The following GTF2F2 variants were observed in gnomAD, a reference collection of about 807,000 sequenced individuals.
GTF2F2 encodes the protein general transcription factor IIF subunit 2, also known as ATP-dependent helicase GTF2F2.
In GTF2F2, 23 loss-of-function variants were observed where a neutral mutation model predicts 42.2. That is an observed-to-expected ratio of 0.55 (90% CI 0.39 to 0.77). GTF2F2 has a LOEUF of 0.77. Ranked by LOEUF, GTF2F2 falls within the 30% of genes least tolerant of loss-of-function variation. GTF2F2 has a pLI of 0.00. For missense variants in GTF2F2, 261 were observed against 287.2 expected (o/e 0.91, Z 0.66); for synonymous variants, 105 against 100.8 (o/e 1.04, Z -0.25).
chr13:45,214,421 C>T (rs773185660), intron 5 of GTF2F2, among the ~76,000 whole-genome samples: 12 of 152,206 alleles, frequency 7.9e-5, no homozygotes, highest in Non-Finnish European at 1.6e-4. Flanking sequence ...TTCATCAGAT[C>T]CCCTCACATA....
intron 7 of GTF2F2, among the ~76,000 whole-genome samples, chr13:45,279,922 C>G (rs1024970069): frequency 1.3e-5 from 2 of 151,566 alleles, no homozygotes; most frequent in Non-Finnish European, 2.9e-5. Context: ...CCCCCCGCCC[C>G]CCCCAAAAAA....
chr13:45,257,512 T>C (rs576324229), intron 6 of GTF2F2, among the ~76,000 whole-genome samples: 41 of 152,350 alleles, frequency 2.7e-4, no homozygotes, highest in South Asian at 1.7e-3. Flanking sequence ...TTCACTTTAA[T>C]ATACTCAAGA....
At chr13:45,145,448 C>T (rs762183984) in intron 2 of GTF2F2, among the ~76,000 whole-genome samples, 2 of 152,130 alleles carry the variant, frequency 1.3e-5, no homozygotes, top group Non-Finnish European at 2.9e-5. Context: ...TCTGGATACC[C>T]CAAATGCTTC....
At position 45,226,923 on chromosome 13, in the gene GTF2F2, C is replaced by T. The variant is rs146440366; in HGVS notation, c.386+19418C>T. Among the ~76,000 whole-genome samples the T allele has an allele frequency of 1.3e-3, 196 of 152,160 alleles. 2 individuals carry two copies. The highest frequency in any genetic ancestry group is 4.5e-3 in the African/African-American group (188 of 41,524). On this transcript the variant is annotated intron_variant, in intron 5 of 7. Coordinates refer to ENST00000340473, the MANE Select transcript of GTF2F2 (RefSeq NM_004128.3). ...CCTGGGCAACATGGTAAGACCCTGTCTCTACAAAAAATTTAAAAATAAGCT... is the reference window on the plus strand; with the variant it reads ...CCTGGGCAACATGGTAAGACCCTGTTTCTACAAAAAATTTAAAAATAAGCT...
intron 1 of GTF2F2, among the ~76,000 whole-genome samples, chr13:45,129,174 G>A (rs907674964): frequency 2.0e-5 from 3 of 152,082 alleles, no homozygotes; most frequent in African/African-American, 7.2e-5. Flanking sequence ...AAAGTAGTAG[G>A]TTAGAAAATG....
intron 5 of GTF2F2, among the ~76,000 whole-genome samples, chr13:45,241,461 T>A (rs1047692854): frequency 6.6e-6 from 1 of 152,168 alleles, no homozygotes; most frequent in African/African-American, 2.4e-5. Context: ...GTTATATCTT[T>A]GTTGTCCAGT....
chr13:45,225,734 A>G lies in GTF2F2; in HGVS notation c.386+18229A>G, dbSNP rs1485749934. ...CACCCAAGTACTTCTTTAAAAATGAAATGTCATAGACCATATCTTCAAATG... is the reference window on the plus strand; with the variant it reads ...CACCCAAGTACTTCTTTAAAAATGAGATGTCATAGACCATATCTTCAAATG... On this transcript the variant is annotated intron_variant, in intron 5 of 7. Coordinates refer to ENST00000340473, the MANE Select transcript of GTF2F2 (RefSeq NM_004128.3). Among the ~76,000 whole-genome samples the G allele has an allele frequency of 2.0e-5, 3 of 152,182 alleles. No individual in the cohort carries two copies. The East Asian group carries it at 5.8e-4, about 29-fold the overall frequency.
chr13:45,153,034 G>A (rs1460135633), intron 4 of GTF2F2, among the ~76,000 whole-genome samples: 4 of 144,334 alleles, frequency 2.8e-5, no homozygotes, highest in African/African-American at 1.0e-4. Flanking sequence ...TTTTTGAGAC[G>A]TAGTCTTGCT....
chr13:45,224,514 A>G (rs1271769831), intron 5 of GTF2F2, among the ~76,000 whole-genome samples: 2 of 152,132 alleles, frequency 1.3e-5, no homozygotes, highest in Non-Finnish European at 2.9e-5. Flanking sequence ...GATTCTAGTT[A>G]GGGCAGATGT....
intron 7 of GTF2F2, among the ~76,000 whole-genome samples, chr13:45,270,098 C>T (rs1428987441): frequency 6.6e-6 from 1 of 152,142 alleles, no homozygotes; most frequent in Non-Finnish European, 1.5e-5. Flanking sequence ...TCCCGAAGTG[C>T]TGAGATTACA....
chr13:45,276,244 A>G (rs903524018), intron 7 of GTF2F2, among the ~76,000 whole-genome samples: 3 of 152,178 alleles, frequency 2.0e-5, no homozygotes, highest in African/African-American at 7.2e-5. Context: ...TAGTGTGTAT[A>G]TACCATATTT....
At chr13:45,129,058 G>C (rs933206797) in intron 1 of GTF2F2, among the ~76,000 whole-genome samples, 3 of 152,178 alleles carry the variant, frequency 2.0e-5, no homozygotes, top group Non-Finnish European at 4.4e-5. Context: ...AGAAAATCCT[G>C]ATCTGGTTAA....
chr13:45,268,003 C>G (rs1206292762), intron 7 of GTF2F2, among the ~76,000 whole-genome samples: 1 of 151,990 alleles, frequency 6.6e-6, no homozygotes, highest in Admixed American at 6.6e-5. Flanking sequence ...CTTCTCTAGG[C>G]TTTTGTGCAT....
In GTF2F2 at chr13:45,253,034, C is replaced by T; in HGVS notation, c.486+64C>T. 4.4e-6 allele frequency: 3 copies of T among 689,574 alleles called. No individual in the cohort carries two copies. The South Asian group carries it at 7.3e-5, about 17-fold the overall frequency. 42.7% of individuals were successfully genotyped at this position (689,574 alleles called of 1,614,324 possible). On this transcript the variant is annotated intron_variant, in intron 6 of 7. Coordinates refer to ENST00000340473, the MANE Select transcript of GTF2F2 (RefSeq NM_004128.3). ...TTCATTCTTTTCTGTATCATAGAGTCTTAGGTTTCCAAAGAACCTGAGAAT... is the reference window on the plus strand; with the variant it reads ...TTCATTCTTTTCTGTATCATAGAGTTTTAGGTTTCCAAAGAACCTGAGAAT...
intron 5 of GTF2F2, among the ~76,000 whole-genome samples, chr13:45,223,995 CT>C (rs1874224964): frequency 6.6e-6 from 1 of 152,126 alleles, no homozygotes; most frequent in Admixed American, 6.6e-5. Flanking sequence ...GAATGAATAT[CT>C]TTCTAAGCTA....
chr13:45,236,547 G>A (rs1875000270), intron 5 of GTF2F2, among the ~76,000 whole-genome samples: 1 of 151,422 alleles, frequency 6.6e-6, no homozygotes, highest in Non-Finnish European at 1.5e-5. Context: ...GAGGCTCAGT[G>A]TAGATAAGTG....
chr13:45,191,346 A>G (rs182078640), intron 4 of GTF2F2, among the ~76,000 whole-genome samples: 1 of 149,728 alleles, frequency 6.7e-6, no homozygotes, highest in Non-Finnish European at 1.5e-5. Flanking sequence ...CATGGCAACT[A>G]TAGTAACCTA....
intron 6 of GTF2F2, among the ~76,000 whole-genome samples, chr13:45,253,438 T>C (rs899488189): frequency 6.6e-6 from 1 of 152,198 alleles, no homozygotes; most frequent in Non-Finnish European, 1.5e-5. Flanking sequence ...TTTGCCTGAT[T>C]TCAGCTTTCA....
intron 4 of GTF2F2, among the ~76,000 whole-genome samples, chr13:45,165,959 G>A (rs576638762): frequency 2.0e-5 from 3 of 151,390 alleles, no homozygotes; most frequent in Non-Finnish European, 2.9e-5. Context: ...GATTACAGGC[G>A]CCCGCCCCTA....
Sources: allele counts gnomAD v4.1 joint callset (sites outside exome capture counted in the v4.1 genomes callset), GRCh38; gene constraint gnomAD v4.1.1; transcripts MANE v1.5; gene names NCBI Gene and HGNC (gene_info 2026-07-23, HGNC 2026-07-21).